UBQLN1: variants seen among roughly 807,000 people sequenced by gnomAD.
The protein encoded by UBQLN1 is ubiquilin 1.
UBQLN1 carries 13 observed loss-of-function variants against 65.4 expected under a neutral mutation model. The observed-to-expected ratio is 0.20, with a 90% confidence interval of 0.13 to 0.32. The LOEUF is 0.32. Among genes scored for constraint, UBQLN1 ranks in the 10% least tolerant of loss-of-function variants. The probability of loss-of-function intolerance (pLI) is 1.00; values close to 1 mark genes in which losing one functional copy is unlikely to be tolerated. For missense variants in UBQLN1, 561 were observed against 724.0 expected (o/e 0.77, Z 2.58); for synonymous variants, 267 against 247.8 (o/e 1.08, Z -0.73).
At chr9:83,666,329 C>T in intron 8 of UBQLN1, 21 bp downstream of exon 8, 1 of 1,609,592 alleles carries the variant, frequency 6.2e-7, no homozygotes, top group South Asian at 1.1e-5. Context: ...CCCAAGATAG[C>T]TAACATCTTG....
chr9:83,667,720 ATCT>A (rs1223720814), intron 7 of UBQLN1: 1 of 983,146 alleles, frequency 1.0e-6, no homozygotes, highest in African/African-American at 1.7e-5. Flanking sequence ...ACAGATAATC[ATCT>A]TATTAGATAC....
At chr9:83,666,553 C>T (rs1831646907) in intron 7 of UBQLN1, 120 bp from the exon 8 acceptor site, 2 of 878,678 alleles carry the variant, frequency 2.3e-6, no homozygotes, top group Admixed American at 2.6e-5. Flanking sequence ...GAAGGTAGAA[C>T]ATAAATAAAA....
intron 1 of UBQLN1, among the ~76,000 whole-genome samples, chr9:83,688,784 C>G: frequency 6.6e-6 from 1 of 151,714 alleles, no homozygotes; most frequent in Non-Finnish European, 1.5e-5. Flanking sequence ...TTGCTTGAAC[C>G]TGGGAGGCAG....
chr9:83,703,486 C>A (rs976787126), intron 1 of UBQLN1, among the ~76,000 whole-genome samples: 3 of 151,876 alleles, frequency 2.0e-5, no homozygotes, highest in Non-Finnish European at 4.4e-5. Flanking sequence ...GTGCCATCCC[C>A]AAGATATCTC....
At chr9:83,707,430 G>A (rs1027583369) in intron 1 of UBQLN1, 70 bp downstream of exon 1, 6 of 1,490,436 alleles carry the variant, frequency 4.0e-6, no homozygotes, top group African/African-American at 2.9e-5. Flanking sequence ...CCTTCCAAAA[G>A]GTCTCCTGGG....
chr9:83,705,936 TA>T (rs200199388), intron 1 of UBQLN1, among the ~76,000 whole-genome samples: 84 of 132,088 alleles, frequency 6.4e-4, no homozygotes, highest in South Asian at 2.9e-3. Context: ...ACTTAGGGCA[TA>T]AAAAAAAAAA....
chr9:83,670,814 C>T (rs975052759), intron 6 of UBQLN1, among the ~76,000 whole-genome samples: 6 of 152,132 alleles, frequency 3.9e-5, no homozygotes, highest in African/African-American at 1.4e-4. Flanking sequence ...AATTCGTTGT[C>T]ATTTCAATAA....
chr9:83,678,706 CTGTTT>C (rs776708837), intron 4 of UBQLN1, 107 bp from the exon 5 acceptor site: 56 of 1,218,306 alleles, frequency 4.6e-5, no homozygotes, highest in South Asian at 4.0e-4. Context: ...TGGGAGGCCA[CTGTTT>C]TGTTTTGTTT....
intron 6 of UBQLN1, among the ~76,000 whole-genome samples, chr9:83,675,937 T>C (rs1156466655): frequency 6.6e-6 from 1 of 152,180 alleles, no homozygotes; most frequent in Non-Finnish European, 1.5e-5. Context: ...CCAATTTTTT[T>C]ATTTTTTCAA....
intron 1 of UBQLN1, among the ~76,000 whole-genome samples, chr9:83,696,979 T>C (rs1229568987): frequency 3.3e-5 from 5 of 152,314 alleles, no homozygotes; most frequent in South Asian, 4.1e-4. Context: ...TATTGCTATG[T>C]TGCCCAGGCT....
Position 83,677,854 on chromosome 9 carries a change from T to C in UBQLN1, c.978A>G (p.Pro326=). The C allele has an allele frequency of 6.2e-7, 1 of 1,614,152 alleles. No individual in the cohort carries two copies. Among genetic ancestry groups the C allele is most frequent in the Non-Finnish European group, 8.5e-7 (1 of 1,180,026 alleles). The part of the protein sequence containing the change: ...NRDPLPNPWA[P]QTSQSSSASS... ...AAGCTGATGAACTCTGGGAAGTCTG[T>C]GGAGCCCATGGATTGGGTAGTGGAT... The change falls in exon 6 of 11, where the codon CCA becomes CCG. Residue 326 remains proline, a synonymous_variant. Coordinates refer to ENST00000376395, the MANE Select transcript of UBQLN1 (RefSeq NM_013438.5).
chr9:83,670,127 T>C (rs1427234608), intron 6 of UBQLN1, among the ~76,000 whole-genome samples: 1 of 152,138 alleles, frequency 6.6e-6, no homozygotes, highest in African/African-American at 2.4e-5. Flanking sequence ...CAAATTTTCT[T>C]TGAAAACTAA....
chr9:83,691,434 C>A (rs1326738659), intron 1 of UBQLN1, among the ~76,000 whole-genome samples: 1 of 152,158 alleles, frequency 6.6e-6, no homozygotes, highest in African/African-American at 2.4e-5. Flanking sequence ...ATATAGCTCA[C>A]TTGAACCTCT....
rs1831861198 is a variant in UBQLN1 at position 83,677,760 on chromosome 9, T to C, written c.1072A>G (p.Thr358Ala). ...CCAGGCACCAAATTTGGCGCAGTAG[T>C]ACTCTGCCCAGAAGTGCCACTGGCA... ...STASGTSGQSTTAPNLVPGVG... is the reference protein window; with the variant it reads ...STASGTSGQSATAPNLVPGVG... Residue 358 changes from threonine (T) to alanine (A), a missense_variant, in exon 6 of 11, where the codon ACT becomes GCT. Physicochemically the swap from Thr to Ala is moderately conservative, Grantham distance 58. Coordinates refer to ENST00000376395, the MANE Select transcript of UBQLN1 (RefSeq NM_013438.5). 3.7e-6 allele frequency: 6 copies of C among 1,614,054 alleles called. No individual in the cohort carries two copies. Among genetic ancestry groups the C allele is most frequent in the Non-Finnish European group, 5.1e-6 (6 of 1,179,992 alleles).
chr9:83,676,963 T>C (rs148355197), intron 6 of UBQLN1, among the ~76,000 whole-genome samples: 4 of 152,262 alleles, frequency 2.6e-5, no homozygotes, highest in African/African-American at 9.6e-5. Context: ...CAAAAGTAAA[T>C]TTCTAACCTG....
intron 6 of UBQLN1, among the ~76,000 whole-genome samples, chr9:83,676,318 G>A (rs1408378469): frequency 1.3e-5 from 2 of 152,196 alleles, no homozygotes; most frequent in Non-Finnish European, 2.9e-5. Flanking sequence ...TTAAGTATCT[G>A]AGTAAAAGGA....
At chr9:83,687,345 T>C (rs1452909347) in intron 1 of UBQLN1, among the ~76,000 whole-genome samples, 1 of 152,182 alleles carries the variant, frequency 6.6e-6, no homozygotes, top group Non-Finnish European at 1.5e-5. Flanking sequence ...TTTACCAAAA[T>C]CACCAGTATG....
chr9:83,665,301 C>T, intron 8 of UBQLN1, 156 bp from the exon 9 acceptor site: 1 of 505,890 alleles, frequency 2.0e-6, no homozygotes, highest in Non-Finnish European at 3.4e-6. Flanking sequence ...ACGCAAGTAT[C>T]TCCTCTTTGA....
chr9:83,696,323 T>C (rs1260843612), intron 1 of UBQLN1, among the ~76,000 whole-genome samples: 1 of 152,220 alleles, frequency 6.6e-6, no homozygotes, highest in Non-Finnish European at 1.5e-5. Context: ...TACAGGAAAG[T>C]AACTGTAATA....
Sources: allele counts gnomAD v4.1 joint callset (sites outside exome capture counted in the v4.1 genomes callset), GRCh38; gene constraint gnomAD v4.1.1; transcripts MANE v1.5; gene names NCBI Gene and HGNC (gene_info 2026-07-23, HGNC 2026-07-21).